NUDCD1: variants seen among roughly 807,000 people sequenced by gnomAD.
NUDCD1 encodes nudC domain-containing protein 1.
NUDCD1 carries 60 observed loss-of-function variants against 67.8 expected under a neutral mutation model. The observed-to-expected ratio is 0.88, with a 90% confidence interval of 0.72 to 1.10. NUDCD1 has a LOEUF of 1.10. NUDCD1 is among the 50% of genes least tolerant of loss of function. The pLI, the probability that NUDCD1 is intolerant of heterozygous loss-of-function variation, is 0.00. For missense variants in NUDCD1, 643 were observed against 695.0 expected, an observed-to-expected ratio of 0.93 and a Z score of 0.84; for synonymous variants, 244 against 230.8, an observed-to-expected ratio of 1.06 and a Z score of -0.52.
chr8:109,288,421 A>G (rs1325787568), intron 5 of NUDCD1, among the ~76,000 whole-genome samples: 1 of 152,164 alleles, frequency 6.6e-6, no homozygotes, highest in Non-Finnish European at 1.5e-5. Context: ...TAAGCTTTGG[A>G]TGAGGTTAGC....
intron 2 of NUDCD1, chr8:109,315,272 T>C (rs941889085): frequency 1.1e-4 from 17 of 152,172 alleles, no homozygotes; most frequent in African/African-American, 3.9e-4. Context: ...AAGGTCTTTC[T>C]GGCCTCCCCT....
At chr8:109,249,588 T>C (rs1289521651) in intron 8 of NUDCD1, among the ~76,000 whole-genome samples, 1 of 152,244 alleles carries the variant, frequency 6.6e-6, no homozygotes, top group Non-Finnish European at 1.5e-5. Context: ...TGGTTACAAA[T>C]GTATGCTTAT....
intron 6 of NUDCD1, among the ~76,000 whole-genome samples, chr8:109,279,645 T>C (rs1392329833): frequency 2.0e-5 from 3 of 149,602 alleles, no homozygotes; most frequent in African/African-American, 7.3e-5. Context: ...TATTTCTTTC[T>C]TTTTTTTTTG....
At chr8:109,277,740 G>C (rs1814330125) in intron 6 of NUDCD1, among the ~76,000 whole-genome samples, 1 of 152,158 alleles carries the variant, frequency 6.6e-6, no homozygotes, top group East Asian at 1.9e-4. Flanking sequence ...ATGAAGTCAA[G>C]CTATTCCCCC....
At chr8:109,284,368 C>T (rs1814526521) in intron 5 of NUDCD1, among the ~76,000 whole-genome samples, 2 of 152,150 alleles carry the variant, frequency 1.3e-5, no homozygotes, top group East Asian at 3.9e-4. Context: ...CACAGCATCA[C>T]ACAGATCATC....
rs58089818 is a variant in NUDCD1, at chr8:109,283,989, TAA to T, written c.824-2819_824-2818del. Reference sequence around the variant, plus strand: ...AAAGGCACAGAGTAGAAAGCTGGATTAAAAAAAAAAAAAAAAAACAAAACAAA... The same window carrying T: ...AAAGGCACAGAGTAGAAAGCTGGATTAAAAAAAAAAAAAAAACAAAACAAA... On this transcript the variant is annotated intron_variant, in intron 5 of 9. Transcript: ENST00000239690. Among the ~76,000 whole-genome samples, 452 of 133,152 alleles carry T rather than the reference TAA, an allele frequency of 3.4e-3. 4 individuals are homozygous for T. The highest frequency in any genetic ancestry group is 0.013 in the African/African-American group (427 of 33,968). 87.4% of individuals were successfully genotyped at this position (133,152 alleles called of 152,430 possible).
intron 5 of NUDCD1, 101 bp from the exon 6 acceptor site, chr8:109,281,273 C>A: frequency 1.5e-6 from 1 of 682,436 alleles, no homozygotes; most frequent in South Asian, 2.1e-5. Context: ...TACTAGTGAT[C>A]ATCTCACAAA....
At chr8:109,245,681 C>T (rs1378207334) in intron 8 of NUDCD1, among the ~76,000 whole-genome samples, 200 bp from the exon 9 acceptor site, 2 of 152,160 alleles carry the variant, frequency 1.3e-5, no homozygotes, top group Non-Finnish European at 2.9e-5. Context: ...GAAAGTGATG[C>T]ACAAGGCATT....
chr8:109,324,012 C>T (rs1185935311), intron 1 of NUDCD1, among the ~76,000 whole-genome samples: 1 of 151,842 alleles, frequency 6.6e-6, no homozygotes, highest in East Asian at 1.9e-4. Context: ...ATGGTTAAGA[C>T]CTCAAAAGCA....
intron 1 of NUDCD1, chr8:109,330,031 A>G: frequency 1.5e-6 from 1 of 651,036 alleles, no homozygotes; most frequent in South Asian, 5.7e-5. Flanking sequence ...CCAACATGAA[A>G]GAATGAAGTA....
intron 8 of NUDCD1, among the ~76,000 whole-genome samples, chr8:109,248,823 A>G (rs1046286812): frequency 6.6e-6 from 1 of 152,116 alleles, no homozygotes; most frequent in Non-Finnish European, 1.5e-5. Flanking sequence ...TCCTTAAAAT[A>G]TAACATTTAG....
rs368174155 is a variant in NUDCD1, at chr8:109,275,251, A to C, written c.1173+101T>G. 24 of 1,107,172 alleles carry C rather than the reference A, an allele frequency of 2.2e-5. No individual in the cohort carries two copies. The Middle Eastern group carries it at 1.2e-3, about 57-fold the overall frequency. The allele number at this position is 1,107,172 out of a possible 1,614,324, so 68.6% of individuals were successfully genotyped here. Reference sequence around the variant, plus strand: ...CAGTAGTATCTGATATGTATCTTTTATATTAGGAAAAGCAAAATATTGTTT... The same window carrying C: ...CAGTAGTATCTGATATGTATCTTTTCTATTAGGAAAAGCAAAATATTGTTT... On this transcript the variant is annotated intron_variant, in intron 7 of 9. Coordinates refer to ENST00000239690, the MANE Select transcript of NUDCD1 (RefSeq NM_032869.4).
At chr8:109,294,866 TTC>T (rs778529354) in intron 3 of NUDCD1, among the ~76,000 whole-genome samples, 14 of 152,062 alleles carry the variant, frequency 9.2e-5, no homozygotes, top group Non-Finnish European at 1.9e-4. Context: ...TACTTTTAGC[TTC>T]TCTGTTATAT....
intron 7 of NUDCD1, among the ~76,000 whole-genome samples, chr8:109,272,354 G>C (rs944808046): frequency 7.5e-6 from 1 of 132,846 alleles, no homozygotes; most frequent in African/African-American, 3.1e-5. Flanking sequence ...GTAACCTCTA[G>C]AACCACTAAA....
At position 109,293,462 on chromosome 8, in the gene NUDCD1, A is replaced by C. The variant is rs377291131; in HGVS notation, c.522T>G (p.Asn174Lys). ...FIIIHSISLL[N>K]AEEHSIATLL... ...GGGTAGCTATAGAATGTTCTTCAGCATTTAGCAGTGAGATACTGTGAATTA... is the reference window on the plus strand; with the variant it reads ...GGGTAGCTATAGAATGTTCTTCAGCCTTTAGCAGTGAGATACTGTGAATTA... Residue 174 changes from asparagine (N) to lysine (K), a missense_variant, in exon 4 of 10, where the codon AAT (asparagine) becomes AAG (lysine). Physicochemically the swap from Asn to Lys is moderately conservative, Grantham distance 94. Transcript: ENST00000239690. 6.3e-7 allele frequency: 1 copy of C among 1,590,930 alleles called. No homozygotes were observed. Among genetic ancestry groups the C allele is most frequent in the Non-Finnish European group, 8.6e-7 (1 of 1,167,536 alleles).
chr8:109,274,089 C>T (rs1194062724), intron 7 of NUDCD1, among the ~76,000 whole-genome samples: 1 of 152,028 alleles, frequency 6.6e-6, no homozygotes, highest in Non-Finnish European at 1.5e-5. Flanking sequence ...AGAACCTATC[C>T]TTCTTAATGA....
At chr8:109,321,732 T>C (rs368832168) in intron 2 of NUDCD1, among the ~76,000 whole-genome samples, 2 of 152,058 alleles carry the variant, frequency 1.3e-5, no homozygotes, top group East Asian at 1.9e-4. Flanking sequence ...ATATGCTCTT[T>C]ATGACACATA....
chr8:109,277,915 A>G (rs1055987585), intron 6 of NUDCD1, among the ~76,000 whole-genome samples: 1 of 152,240 alleles, frequency 6.6e-6, no homozygotes, highest in Non-Finnish European at 1.5e-5. Flanking sequence ...TTTTTGATAT[A>G]TTAAAAAGTG....
rs551424147 is a variant in NUDCD1, at chr8:109,301,714, T to C, written c.274-5145A>G. 3.5e-4 allele frequency among the ~76,000 whole-genome samples: 53 copies of C among 152,316 alleles called. No individual in the cohort carries two copies. In the South Asian group the frequency reaches 0.01, roughly 29 times the overall value. ...ATCTCCCTCTCTTACTACCCTTCAA[T>C]CTCCCTGTCCTTCCAATTCCAGCTC... On this transcript the variant is annotated intron_variant, in intron 2 of 9. Transcript: ENST00000239690.
Sources: allele counts gnomAD v4.1 joint callset (sites outside exome capture counted in the v4.1 genomes callset), GRCh38; gene constraint gnomAD v4.1.1; transcripts MANE v1.5; gene names NCBI Gene and HGNC (gene_info 2026-07-23, HGNC 2026-07-21).